The following EPHA6 variants were observed in gnomAD, a reference collection of about 807,000 sequenced individuals.
EPHA6 encodes ephrin type-A receptor 6.
EPHA6 carries 50 observed loss-of-function variants against 112.0 expected under a neutral mutation model. The ratio of observed to expected loss-of-function variants is 0.45; its 90% CI spans 0.36 to 0.56. The LOEUF (loss-of-function observed/expected upper bound fraction) is 0.56. Ranked by LOEUF, EPHA6 falls within the 20% of genes least tolerant of loss-of-function variation. The pLI, the probability that EPHA6 is intolerant of heterozygous loss-of-function variation, is 0.00. For missense variants in EPHA6, 1,280 were observed against 1,417.4 expected (o/e 0.90, Z 1.56); for synonymous variants, 529 against 490.7 (o/e 1.08, Z -1.03).
At chr3:96,956,894 G>A (rs1411940518) in intron 2 of EPHA6, among the ~76,000 whole-genome samples, 1 of 151,868 alleles carries the variant, frequency 6.6e-6, no homozygotes, top group African/African-American at 2.4e-5. Flanking sequence ...TTAGTTGGGT[G>A]TGGTGATACG....
intron 6 of EPHA6, among the ~76,000 whole-genome samples, chr3:97,416,812 C>A (rs1050528133): frequency 6.6e-6 from 1 of 151,970 alleles, no homozygotes; most frequent in African/African-American, 2.4e-5. Flanking sequence ...TTATGAGTAT[C>A]TTTATATCTT....
chr3:97,513,640 G>T (rs774060541), intron 10 of EPHA6, among the ~76,000 whole-genome samples: 10 of 150,560 alleles, frequency 6.6e-5, no homozygotes, highest in Non-Finnish European at 1.3e-4. Flanking sequence ...CTTAGAAATA[G>T]AGCATAGAAT....
rs60264937 is a variant in EPHA6, at chr3:96,889,353, C to T, written c.450+22464C>T. On this transcript the variant is annotated intron_variant, in intron 2 of 17. Transcript: ENST00000389672. The stretch of plus-strand genomic sequence containing the variant: ...CAATTTACTGTATTAGTGCATTTTC[C>T]GACTGCTAATAAAGACGTATCCGAG... 1.5e-3 allele frequency among the ~76,000 whole-genome samples: 226 copies of T among 152,180 alleles called. 4 individuals are homozygous for T. The East Asian group carries it at 0.033, about 22-fold the overall frequency.
chr3:97,446,869 A>G (rs901068939), intron 6 of EPHA6, among the ~76,000 whole-genome samples: 2 of 152,150 alleles, frequency 1.3e-5, no homozygotes, highest in Non-Finnish European at 2.9e-5. Flanking sequence ...GTCACCATCG[A>G]TGATTTATAG....
intron 3 of EPHA6, among the ~76,000 whole-genome samples, chr3:97,214,129 C>G (rs2077965475): frequency 1.3e-5 from 2 of 151,754 alleles, no homozygotes; most frequent in Admixed American, 6.6e-5. Flanking sequence ...ACCTCCGCCT[C>G]CCAGGTTCAA....
At chr3:96,992,726 A>C (rs952980753) in intron 3 of EPHA6, among the ~76,000 whole-genome samples, 6 of 151,866 alleles carry the variant, frequency 4.0e-5, no homozygotes, top group Admixed American at 3.3e-4. Flanking sequence ...TCTGTCCACT[A>C]TTCTGGTTTT....
chr3:96,834,151 G>A (rs2034257185), intron 1 of EPHA6, among the ~76,000 whole-genome samples: 1 of 151,974 alleles, frequency 6.6e-6, no homozygotes, highest in Admixed American at 6.6e-5. Flanking sequence ...TAGCTCCTTT[G>A]TGGATGATGA....
chr3:97,561,189 A>G (rs1034186677), intron 11 of EPHA6, among the ~76,000 whole-genome samples: 6 of 152,002 alleles, frequency 3.9e-5, no homozygotes, highest in South Asian at 2.1e-4. Flanking sequence ...AAGTGTTCAA[A>G]TGAAAGGAAG....
At chr3:97,265,454 C>T (rs1326408370) in intron 5 of EPHA6, among the ~76,000 whole-genome samples, 1 of 152,200 alleles carries the variant, frequency 6.6e-6, no homozygotes, top group African/African-American at 2.4e-5. Flanking sequence ...TGTGTCAGCA[C>T]TGCCCCAAGC....
chr3:97,544,712 A>G (rs1402206404), intron 11 of EPHA6, among the ~76,000 whole-genome samples: 2 of 152,124 alleles, frequency 1.3e-5, no homozygotes, highest in African/African-American at 2.4e-5. Flanking sequence ...CTGTGAATCC[A>G]TCTGGTCCTG....
At chr3:96,932,185 G>T (rs1201179635) in intron 2 of EPHA6, among the ~76,000 whole-genome samples, 1 of 152,080 alleles carries the variant, frequency 6.6e-6, no homozygotes, top group Non-Finnish European at 1.5e-5. Flanking sequence ...TGAGTTGTTT[G>T]CCTAATCAGT....
At chr3:97,745,180 A>T (rs982540822) in intron 16 of EPHA6, among the ~76,000 whole-genome samples, 4 of 151,992 alleles carry the variant, frequency 2.6e-5, no homozygotes, top group African/African-American at 9.7e-5. Context: ...TCTGCTTCAC[A>T]ATTTTTGCCA....
chr3:97,004,854 A>G (rs935415125), intron 3 of EPHA6, among the ~76,000 whole-genome samples: 2 of 151,694 alleles, frequency 1.3e-5, no homozygotes, highest in Admixed American at 6.6e-5. Context: ...TTCCAGCACC[A>G]TTTAATGAAT....
At chr3:96,931,018 A>AAAAT (rs796531853) in intron 2 of EPHA6, among the ~76,000 whole-genome samples, 7 of 84,574 alleles carry the variant, frequency 8.3e-5, no homozygotes, top group South Asian at 4.3e-4. Flanking sequence ...AAAAAAAAAA[A>AAAAT]AAAGAAAAGC....
intron 10 of EPHA6, among the ~76,000 whole-genome samples, chr3:97,489,422 A>C (rs1426567417): frequency 6.6e-6 from 1 of 152,194 alleles, no homozygotes; most frequent in Non-Finnish European, 1.5e-5. Context: ...ACGGTGACTC[A>C]CGCCTGTAAT....
intron 3 of EPHA6, among the ~76,000 whole-genome samples, chr3:97,075,070 A>G (rs2046473699): frequency 6.6e-6 from 1 of 151,984 alleles, no homozygotes; most frequent in African/African-American, 2.4e-5. Flanking sequence ...ACCAGCAATT[A>G]GGACTACTTG....
At chr3:97,027,729 G>A (rs2044691762) in intron 3 of EPHA6, among the ~76,000 whole-genome samples, 1 of 152,112 alleles carries the variant, frequency 6.6e-6, no homozygotes, top group African/African-American at 2.4e-5. Context: ...TTATAACTGC[G>A]AGGAAATAGT....
intron 3 of EPHA6, among the ~76,000 whole-genome samples, chr3:97,176,745 T>A (rs573858557): frequency 6.6e-6 from 1 of 152,092 alleles, no homozygotes; most frequent in East Asian, 1.9e-4. Context: ...TAATGTCTCC[T>A]CTTTCATTTC....
chr3:97,568,200 A>G (rs926133968), intron 11 of EPHA6, among the ~76,000 whole-genome samples: 1 of 152,208 alleles, frequency 6.6e-6, no homozygotes, highest in Admixed American at 6.5e-5. Flanking sequence ...TCATCATAAC[A>G]TGCAAAAAAT....
Sources: allele counts gnomAD v4.1 joint callset (sites outside exome capture counted in the v4.1 genomes callset), GRCh38; gene constraint gnomAD v4.1.1; transcripts MANE v1.5; gene names NCBI Gene and HGNC (gene_info 2026-07-23, HGNC 2026-07-21).